RCL1: variants seen among roughly 807,000 people sequenced by gnomAD.
The protein encoded by RCL1 is RNA 3'-terminal phosphate cyclase-like protein.
In RCL1, 24 loss-of-function variants were observed where a neutral mutation model predicts 42.4. The ratio of observed to expected loss-of-function variants is 0.57; its 90% CI spans 0.41 to 0.80. RCL1 has a LOEUF of 0.80. RCL1 is among the 30% of genes least tolerant of loss of function. RCL1 has a pLI of 0.00. For missense variants in RCL1, 578 were observed against 467.9 expected, an observed-to-expected ratio of 1.24 and a Z score of -2.17; for synonymous variants, 228 against 177.3, an observed-to-expected ratio of 1.29 and a Z score of -2.27.
At chr9:4,853,977 C>G (rs1261022156) in intron 8 of RCL1, among the ~76,000 whole-genome samples, 2 of 152,168 alleles carry the variant, frequency 1.3e-5, no homozygotes, top group South Asian at 2.1e-4. Context: ...GCCGGCCAAG[C>G]CTGCCTCTAC....
intron 1 of RCL1, among the ~76,000 whole-genome samples, chr9:4,823,329 A>G (rs1017218020): frequency 1.4e-5 from 2 of 146,532 alleles, no homozygotes; most frequent in African/African-American, 5.0e-5. Context: ...AATTGTTTCT[A>G]AGTTCTACTA....
intron 1 of RCL1, among the ~76,000 whole-genome samples, chr9:4,802,256 AGCTGTCTAAT>A (rs1843016603): frequency 6.6e-6 from 1 of 152,028 alleles, no homozygotes; most frequent in African/African-American, 2.4e-5. Flanking sequence ...TACTTACTGT[AGCTGTCTAAT>A]GAGTCTTGAA....
intron 1 of RCL1, among the ~76,000 whole-genome samples, chr9:4,799,494 G>T (rs1274002239): frequency 6.6e-6 from 1 of 152,090 alleles, no homozygotes; most frequent in African/African-American, 2.4e-5. Flanking sequence ...GAACATTTCT[G>T]TCACTCCAAG....
At chr9:4,833,997 G>A in intron 4 of RCL1, 144 bp from the exon 5 acceptor site, 1 of 863,754 alleles carries the variant, frequency 1.2e-6, no homozygotes, top group Admixed American at 3.1e-5. Flanking sequence ...GGTGCTGTTG[G>A]TCTTGAAGGG....
At chr9:4,821,651 T>A (rs554368306) in intron 1 of RCL1, among the ~76,000 whole-genome samples, 4 of 152,200 alleles carry the variant, frequency 2.6e-5, no homozygotes, top group Middle Eastern at 3.4e-3. Context: ...CTCATTTTTT[T>A]TTTTCCCCCC....
chr9:4,826,246 A>T lies in RCL1; in HGVS notation c.209-612A>T, dbSNP rs576091317. On this transcript the variant is annotated intron_variant, in intron 2 of 8. Transcript: ENST00000381750. The stretch of plus-strand genomic sequence containing the variant: ...GGGGGACAGAGCAAGACCCTGTCTC[A>T]AAACAAAACAAAGCTTTTTGAATGA... 2.0e-5 allele frequency among the ~76,000 whole-genome samples: 3 copies of T among 152,278 alleles called. No individual in the cohort carries two copies. The East Asian group carries it at 5.8e-4, about 29-fold the overall frequency.
intron 1 of RCL1, among the ~76,000 whole-genome samples, chr9:4,801,426 C>T (rs749259549): frequency 8.5e-5 from 13 of 152,298 alleles, no homozygotes; most frequent in African/African-American, 1.2e-4. Context: ...TCTGCCTCAC[C>T]TTTCCAAGGT....
intron 1 of RCL1, among the ~76,000 whole-genome samples, chr9:4,805,675 G>A (rs1815920435): frequency 6.6e-6 from 1 of 152,140 alleles, no homozygotes; most frequent in Admixed American, 6.5e-5. Context: ...GACTGGCAGT[G>A]GTGGGTGTAG....
intron 3 of RCL1, among the ~76,000 whole-genome samples, chr9:4,829,803 G>T (rs188162111): frequency 1.9e-3 from 291 of 152,320 alleles, no homozygotes; most frequent in African/African-American, 6.8e-3. Flanking sequence ...AGGGCAGTGT[G>T]ACAATACTGA....
Position 4,844,691 on chromosome 9 carries a change from C to G in RCL1, c.867+10C>G. On this transcript the variant is annotated intron_variant, in intron 7 of 8. Coordinates refer to ENST00000381750, the MANE Select transcript of RCL1 (RefSeq NM_005772.5). The stretch of plus-strand genomic sequence containing the variant: ...GGAGGAAATCTACAGGGTATGTCCA[C>G]AGCTTCCTCTGATAGAGGAGTGACC... The G allele has an allele frequency of 6.2e-7, 1 of 1,607,552 alleles. No individual in the cohort carries two copies. Among genetic ancestry groups the G allele is most frequent in the Middle Eastern group, 1.9e-4 (1 of 5,200 alleles).
At chr9:4,814,061 A>C (rs1223204736) in intron 1 of RCL1, among the ~76,000 whole-genome samples, 1 of 152,082 alleles carries the variant, frequency 6.6e-6, no homozygotes, top group Admixed American at 6.6e-5. Flanking sequence ...ATGACGAGTT[A>C]ATGGGTGCAG....
intron 1 of RCL1, among the ~76,000 whole-genome samples, chr9:4,821,505 A>G (rs1587708765): frequency 6.6e-6 from 1 of 152,252 alleles, no homozygotes; most frequent in Admixed American, 6.5e-5. Context: ...AAGAAAAGAA[A>G]TTTATCACAG....
intron 5 of RCL1, among the ~76,000 whole-genome samples, chr9:4,838,513 A>G (rs1454139000): frequency 2.0e-5 from 3 of 152,206 alleles, no homozygotes; most frequent in African/African-American, 7.2e-5. Context: ...AATTCGTGGG[A>G]TAATCTAGTT....
At chr9:4,810,201 C>T (rs543698696) in intron 1 of RCL1, among the ~76,000 whole-genome samples, 15 of 152,044 alleles carry the variant, frequency 9.9e-5, no homozygotes, top group Admixed American at 1.3e-4. Context: ...TTTACCGAAG[C>T]GTACCATATA....
At position 4,844,610 on chromosome 9, in the gene RCL1, C is replaced by A; in HGVS notation, c.796C>A (p.Gln266Lys). Residue 266 changes from glutamine (Q) to lysine (K), a missense_variant, in exon 7 of 9, where the codon CAG becomes AAG. Coordinates refer to ENST00000381750, the MANE Select transcript of RCL1 (RefSeq NM_005772.5). Reference sequence around the variant, plus strand: ...TGAACTGGCCTCCAACCCCCAGGGCCAGGGAGCAGCAGTACTTCCAGAGGA... The same window carrying A: ...TGAACTGGCCTCCAACCCCCAGGGCAAGGGAGCAGCAGTACTTCCAGAGGA... ...SAELASNPQG[Q>K]GAAVLPEDLG... 2 of 1,614,096 alleles carry A rather than the reference C, an allele frequency of 1.2e-6. No homozygotes were observed. Among genetic ancestry groups the A allele is most frequent in the Non-Finnish European group, 1.7e-6 (2 of 1,180,004 alleles).
chr9:4,800,560 A>C (rs1239201834), intron 1 of RCL1, among the ~76,000 whole-genome samples: 1 of 151,626 alleles, frequency 6.6e-6, no homozygotes, highest in Non-Finnish European at 1.5e-5. Flanking sequence ...CTTTCTCTGG[A>C]ATAAATGCCC....
At chr9:4,851,400 A>T (rs895869693) in intron 8 of RCL1, among the ~76,000 whole-genome samples, 1 of 152,236 alleles carries the variant, frequency 6.6e-6, no homozygotes, top group African/African-American at 2.4e-5. Context: ...GCATAAAGAC[A>T]GGTAAGGGAG....
At chr9:4,802,930 C>T (rs909494637) in intron 1 of RCL1, among the ~76,000 whole-genome samples, 6 of 152,158 alleles carry the variant, frequency 3.9e-5, no homozygotes, top group African/African-American at 1.4e-4. Context: ...AAGCAATCCT[C>T]TTGCCTCAGC....
intron 6 of RCL1, 44 bp from the exon 7 acceptor site, chr9:4,844,481 C>T (rs1817441228): frequency 6.7e-7 from 1 of 1,485,020 alleles, no homozygotes; most frequent in Non-Finnish European, 9.2e-7. Flanking sequence ...GTGGAAACCT[C>T]ACTTGGTTAA....
Sources: gnomAD v4.1 joint callset for allele counts (sites outside exome capture counted in the v4.1 genomes callset) on GRCh38, gnomAD v4.1.1 for gene constraint, MANE v1.5 for transcripts, NCBI Gene and HGNC (gene_info 2026-07-23, HGNC 2026-07-21) for gene names.